Variants in CTNNA3 observed in about 807,000 individuals in gnomAD.
The protein encoded by CTNNA3 is catenin alpha-3.
Under a neutral mutation model 95.7 loss-of-function variants are expected in CTNNA3, and 76 were observed. That is an observed-to-expected ratio of 0.79 (90% CI 0.66 to 0.96). The LOEUF (loss-of-function observed/expected upper bound fraction) is 0.96, where lower values mean the gene tolerates loss of function less well. Among genes scored for constraint, CTNNA3 ranks in the 40% least tolerant of loss-of-function variants. The pLI is 0.00. For missense variants in CTNNA3, 1,191 were observed against 1,089.8 expected, an observed-to-expected ratio of 1.09 and a Z score of -1.31; for synonymous variants, 431 against 374.4, an observed-to-expected ratio of 1.15 and a Z score of -1.74.
chr10:67,490,839 C>T (rs1201868067), intron 5 of CTNNA3, among the ~76,000 whole-genome samples: 3 of 152,068 alleles, frequency 2.0e-5, no homozygotes, highest in Non-Finnish European at 2.9e-5. Flanking sequence ...CTGGAAACTA[C>T]ACAGTGAACA....
intron 5 of CTNNA3, chr10:67,403,226 AC>A: frequency 6.6e-6 from 1 of 152,160 alleles, no homozygotes; most frequent in Non-Finnish European, 1.5e-5. Context: ...AATCCATTCC[AC>A]CCCACTGGGC....
At chr10:66,413,783 G>T (rs1267489649) in intron 11 of CTNNA3, among the ~76,000 whole-genome samples, 1 of 152,164 alleles carries the variant, frequency 6.6e-6, no homozygotes, top group African/African-American at 2.4e-5. Context: ...GGAAAGTGTG[G>T]ATTCTTAATA....
chr10:66,839,548 T>G (rs1265763253), intron 7 of CTNNA3, among the ~76,000 whole-genome samples: 1 of 152,120 alleles, frequency 6.6e-6, no homozygotes, highest in Non-Finnish European at 1.5e-5. Context: ...TTTTATCTGT[T>G]CTATCTAGTC....
chr10:65,920,928 T>G (rs1314312640), intron 17 of CTNNA3, among the ~76,000 whole-genome samples: 1 of 152,212 alleles, frequency 6.6e-6, no homozygotes, highest in Non-Finnish European at 1.5e-5. Flanking sequence ...AATCAATAAG[T>G]TCTGCCTCAT....
chr10:66,330,027 T>A (rs534152232), intron 12 of CTNNA3, among the ~76,000 whole-genome samples: 6 of 152,228 alleles, frequency 3.9e-5, no homozygotes, highest in Non-Finnish European at 2.9e-5. Flanking sequence ...AACAGGCAAT[T>A]CACTGGTCAG....
At chr10:67,735,732 A>G (rs969947633) in intron 1 of CTNNA3, among the ~76,000 whole-genome samples, 1 of 152,222 alleles carries the variant, frequency 6.6e-6, no homozygotes, top group Non-Finnish European at 1.5e-5. Flanking sequence ...TGCCGTTGCT[A>G]TGGAAAACAG....
intron 9 of CTNNA3, among the ~76,000 whole-genome samples, chr10:66,736,151 G>A (rs1048329359): frequency 2.6e-5 from 4 of 151,912 alleles, no homozygotes; most frequent in African/African-American, 9.7e-5. Flanking sequence ...TTGAGATTCT[G>A]TACTGTCATG....
chr10:67,216,292 G>C (rs1255911219), intron 6 of CTNNA3, among the ~76,000 whole-genome samples: 1 of 152,044 alleles, frequency 6.6e-6, no homozygotes, highest in African/African-American at 2.4e-5. Flanking sequence ...TATATATAAA[G>C]TTTTTTCTCT....
intron 8 of CTNNA3, among the ~76,000 whole-genome samples, chr10:66,770,346 T>G (rs1840039457): frequency 6.6e-6 from 1 of 152,180 alleles, no homozygotes; most frequent in African/African-American, 2.4e-5. Context: ...GCACAATGCA[T>G]TCCTTTCAGT....
At chr10:67,480,917 T>G (rs1175706063) in intron 5 of CTNNA3, among the ~76,000 whole-genome samples, 1 of 152,156 alleles carries the variant, frequency 6.6e-6, no homozygotes, top group African/African-American at 2.4e-5. Context: ...ACCATAATCA[T>G]GTAAGCTTTA....
chr10:67,306,340 G>A (rs969386827), intron 5 of CTNNA3, among the ~76,000 whole-genome samples: 24 of 152,092 alleles, frequency 1.6e-4, no homozygotes, highest in African/African-American at 5.6e-4. Flanking sequence ...GACACAAAAT[G>A]TCTTTTAAAT....
chr10:67,423,360 G>A (rs890188071), intron 5 of CTNNA3, among the ~76,000 whole-genome samples: 2 of 152,082 alleles, frequency 1.3e-5, no homozygotes, highest in Admixed American at 6.6e-5. Flanking sequence ...GAGCCAATAA[G>A]AATGTTTAGA....
chr10:66,461,994 G>C (rs2093533217), intron 11 of CTNNA3, among the ~76,000 whole-genome samples: 1 of 151,484 alleles, frequency 6.6e-6, no homozygotes, highest in South Asian at 2.1e-4. Context: ...CTATATTTTT[G>C]GTAGAGACAG....
intron 13 of CTNNA3, among the ~76,000 whole-genome samples, chr10:66,141,797 A>G (rs2083633603): frequency 6.6e-6 from 1 of 152,174 alleles, no homozygotes; most frequent in African/African-American, 2.4e-5. Context: ...AAACAGTAAA[A>G]CAAGCAAAAC....
In CTNNA3 at chr10:66,548,115, C is replaced by T. The variant is rs180772308; in HGVS notation, c.1375-27342G>A. On this transcript the variant is annotated intron_variant, in intron 10 of 17. Transcript: ENST00000433211. ...TATTTTTAGTAGAGATGGGGTTTCT[C>T]CATGTTGGTCAGGCTGGTCTCAAAC... is the stretch of plus-strand genomic sequence containing the variant. Among the ~76,000 whole-genome samples the T allele has an allele frequency of 3.0e-3, 460 of 152,152 alleles. 2 individuals carry two copies. The highest frequency in any genetic ancestry group is 0.011 in the African/African-American group (447 of 41,516).
chr10:67,308,623 T>C lies in CTNNA3; in HGVS notation c.580-88753A>G, dbSNP rs186948214. ...TAAATGTTAAGTGGTATATGCATAA[T>C]GAGTATGGAAAGACTTCATTAATTA... On this transcript the variant is annotated intron_variant, in intron 5 of 17. Coordinates refer to ENST00000433211, the MANE Select transcript of CTNNA3 (RefSeq NM_013266.4). Among the ~76,000 whole-genome samples the C allele has an allele frequency of 4.8e-3, 729 of 152,308 alleles. 3 individuals are homozygous for C. Among genetic ancestry groups the C allele is most frequent in the Non-Finnish European group, 7.4e-3 (501 of 68,026 alleles).
intron 1 of CTNNA3, among the ~76,000 whole-genome samples, chr10:67,717,202 A>G (rs1564839332): frequency 2.0e-5 from 3 of 152,076 alleles, no homozygotes; most frequent in Admixed American, 1.3e-4. Context: ...AGTTCCTTGT[A>G]GATTCTGGAT....
At chr10:67,239,542 T>A (rs1250164554) in intron 5 of CTNNA3, among the ~76,000 whole-genome samples, 1 of 152,198 alleles carries the variant, frequency 6.6e-6, no homozygotes, top group Non-Finnish European at 1.5e-5. Flanking sequence ...GGTAATTTTC[T>A]ATTTCTTGTC....
At chr10:66,209,590 T>G (rs1205197304) in intron 13 of CTNNA3, among the ~76,000 whole-genome samples, 1 of 152,078 alleles carries the variant, frequency 6.6e-6, no homozygotes, top group Non-Finnish European at 1.5e-5. Flanking sequence ...GTGAGGAAGT[T>G]AATGGAATAA....
Sources: gnomAD v4.1 joint callset for allele counts (sites outside exome capture counted in the v4.1 genomes callset) on GRCh38, gnomAD v4.1.1 for gene constraint, MANE v1.5 for transcripts, NCBI Gene and HGNC (gene_info 2026-07-23, HGNC 2026-07-21) for gene names.